The following LATS2 variants were observed in gnomAD, a reference collection of about 807,000 sequenced individuals.
LATS2 encodes the protein serine/threonine-protein kinase LATS2.
A neutral mutation model predicts 76.0 loss-of-function variants in LATS2; 24 were observed. That is an observed-to-expected ratio of 0.32 (90% CI 0.23 to 0.44). The LOEUF (loss-of-function observed/expected upper bound fraction) is 0.44. Among genes scored for constraint, LATS2 ranks in the 20% least tolerant of loss-of-function variants. LATS2 has a pLI of 1.00. For synonymous variants in LATS2, 692 were observed against 635.4 expected (o/e 1.09, Z -1.34); for missense variants, 1,286 against 1,481.2 (o/e 0.87, Z 2.16).
intron 7 of LATS2, among the ~76,000 whole-genome samples, chr13:20,979,204 A>G (rs1168253252): frequency 1.3e-5 from 2 of 152,228 alleles, no homozygotes; most frequent in African/African-American, 2.4e-5. Flanking sequence ...ACGCTATGTT[A>G]CTGGTAAGGC....
chr13:21,009,236 T>A (rs1171321153), intron 2 of LATS2, among the ~76,000 whole-genome samples: 1 of 152,134 alleles, frequency 6.6e-6, no homozygotes, highest in Non-Finnish European at 1.5e-5. Flanking sequence ...GTGCCTTGGC[T>A]CCCCCACCAC....
intron 2 of LATS2, among the ~76,000 whole-genome samples, chr13:21,023,672 A>AC (rs1872171408): frequency 3.6e-5 from 1 of 28,134 alleles, no homozygotes; most frequent in African/African-American, 6.3e-5. Context: ...AAAAAAAAAA[A>AC]AAAAAAAAAA....
intron 2 of LATS2, among the ~76,000 whole-genome samples, chr13:21,003,877 A>G (rs1289372252): frequency 1.3e-5 from 2 of 152,132 alleles, no homozygotes; most frequent in East Asian, 1.9e-4. Flanking sequence ...CCTGGCCAGG[A>G]GTGTCTTTTT....
chr13:21,040,667 G>A (rs909403960), intron 2 of LATS2, among the ~76,000 whole-genome samples: 2 of 152,174 alleles, frequency 1.3e-5, no homozygotes, highest in African/African-American at 4.8e-5. Context: ...CATGTGGGGA[G>A]GATAAGACCA....
At chr13:21,027,000 CTTAT>C (rs1271755202) in intron 2 of LATS2, among the ~76,000 whole-genome samples, 1 of 152,088 alleles carries the variant, frequency 6.6e-6, no homozygotes, top group Non-Finnish European at 1.5e-5. Context: ...TTTTCATGTG[CTTAT>C]TTGACATTCC....
intron 2 of LATS2, among the ~76,000 whole-genome samples, chr13:21,036,043 C>T (rs115140393): frequency 0.079 from 12,052 of 152,202 alleles, 518 homozygotes; most frequent in Non-Finnish European, 0.095. Flanking sequence ...GGACTACAAG[C>T]GTGTGACACC....
rs113504792 is a variant in LATS2 at position 21,050,929 on chromosome 13, C to T, written c.-204-4699G>A. ...GCCCACGCATAGACATGCCATGATA[C>T]CACAGCCACGTGAGGGGGGGCAGGA... On this transcript the variant is annotated intron_variant, in intron 1 of 7. Transcript: ENST00000382592. Among the ~76,000 whole-genome samples, 359 of 152,350 alleles carry T rather than the reference C, an allele frequency of 2.4e-3. 1 individual carries two copies. In the Middle Eastern group the frequency reaches 0.024, roughly 10 times the overall value.
At chr13:20,979,861 TAA>T (rs1869790207) in intron 6 of LATS2, 64 bp from the exon 7 acceptor site, 1 of 903,964 alleles carries the variant, frequency 1.1e-6, no homozygotes, top group East Asian at 2.5e-5. Context: ...TGAATTTCAT[TAA>T]GATGCTGAAC....
intron 4 of LATS2, among the ~76,000 whole-genome samples, chr13:20,985,557 G>A (rs1305197192): frequency 6.6e-6 from 1 of 151,772 alleles, no homozygotes; most frequent in Non-Finnish European, 1.5e-5. Flanking sequence ...TGACTAACAT[G>A]GTGAAACCCC....
chr13:21,003,833 C>T (rs1027827730), intron 2 of LATS2, among the ~76,000 whole-genome samples: 2 of 152,158 alleles, frequency 1.3e-5, no homozygotes, highest in Non-Finnish European at 2.9e-5. Flanking sequence ...CTCAGCCTCC[C>T]AAAGTGCTGG....
In LATS2 at chr13:21,004,627, C is replaced by A. The variant is rs569519302; in HGVS notation, c.343-13223G>T. On this transcript the variant is annotated intron_variant, in intron 2 of 7. Coordinates refer to ENST00000382592, the MANE Select transcript of LATS2 (RefSeq NM_014572.3). ...ACCAGCAATGCAGTGGGCTTCCTGG[C>A]CCCCTGCCTCCAACCTGGCAGGCAC... 9.2e-5 allele frequency among the ~76,000 whole-genome samples: 14 copies of A among 152,282 alleles called. No individual in the cohort carries two copies. The South Asian group carries it at 2.7e-3, about 29-fold the overall frequency.
intron 4 of LATS2, among the ~76,000 whole-genome samples, chr13:20,985,262 CA>C (rs1870088145): frequency 6.6e-6 from 1 of 152,106 alleles, no homozygotes; most frequent in Non-Finnish European, 1.5e-5. Flanking sequence ...CCAAAGTAGA[CA>C]AATGGGACTA....
chr13:21,057,414 C>T (rs140915047), intron 1 of LATS2, among the ~76,000 whole-genome samples: 3 of 152,304 alleles, frequency 2.0e-5, no homozygotes, highest in East Asian at 3.9e-4. Flanking sequence ...CCAGGGTGAA[C>T]GGCAAACATT....
chr13:21,060,364 A>C (rs1450591309), intron 1 of LATS2, among the ~76,000 whole-genome samples: 1 of 152,236 alleles, frequency 6.6e-6, no homozygotes, highest in Non-Finnish European at 1.5e-5. Context: ...TCAGAAGAGA[A>C]AGCCAAACCC....
chr13:21,056,676 G>T (rs1325746053), intron 1 of LATS2, among the ~76,000 whole-genome samples: 1 of 152,170 alleles, frequency 6.6e-6, no homozygotes, highest in Non-Finnish European at 1.5e-5. Flanking sequence ...CAGCTAGGGA[G>T]TTAGAACACC....
Position 20,983,815 on chromosome 13 carries a change from A to G in LATS2, c.1900-9T>C. 6.3e-7 allele frequency: 1 copy of G among 1,589,156 alleles called. No individual in the cohort carries two copies. The highest frequency in any genetic ancestry group is 8.6e-7 in the Non-Finnish European group (1 of 1,165,810). On this transcript the variant is annotated splice_polypyrimidine_tract_variant and intron_variant, in intron 4 of 7. Coordinates refer to ENST00000382592, the MANE Select transcript of LATS2 (RefSeq NM_014572.3). ...GCTTCACAGAGTCCAGCCTGTGTAG[A>G]AGGAAAAGGAAGGAGGAAGAATCAC...
intron 2 of LATS2, among the ~76,000 whole-genome samples, chr13:21,044,955 T>C (rs1327503930): frequency 6.6e-6 from 1 of 152,098 alleles, no homozygotes; most frequent in Non-Finnish European, 1.5e-5. Context: ...CTCAAACTCC[T>C]GGCCTCAAGT....
intron 6 of LATS2, 95 bp from the exon 7 acceptor site, chr13:20,979,892 G>T: frequency 1.4e-6 from 1 of 707,360 alleles, no homozygotes; most frequent in Non-Finnish European, 2.4e-6. Context: ...TTCCTGTTAA[G>T]TGGGAAAGCG....
intron 2 of LATS2, among the ~76,000 whole-genome samples, chr13:21,040,555 A>G (rs1872841814): frequency 6.6e-6 from 1 of 152,178 alleles, no homozygotes; most frequent in Admixed American, 6.5e-5. Flanking sequence ...AACCAACGAA[A>G]TCATATGTCA....
Sources: allele counts gnomAD v4.1 joint callset (sites outside exome capture counted in the v4.1 genomes callset), GRCh38; gene constraint gnomAD v4.1.1; transcripts MANE v1.5; gene names NCBI Gene and HGNC (gene_info 2026-07-23, HGNC 2026-07-21).